The following CNNM1 variants were observed in gnomAD, a reference collection of about 807,000 sequenced individuals.
CNNM1 encodes the protein metal transporter CNNM1.
A neutral mutation model predicts 78.8 loss-of-function variants in CNNM1; 44 were observed. The observed-to-expected ratio is 0.56, with a 90% CI of 0.44 to 0.72. CNNM1 has a LOEUF of 0.72. CNNM1 is among the 30% of genes least tolerant of loss of function. The pLI, the probability that CNNM1 is intolerant of heterozygous loss-of-function variation, is 0.00. For synonymous variants in CNNM1, 584 were observed against 581.5 expected (o/e 1.00, Z -0.06); for missense variants, 1,101 against 1,292.2 (o/e 0.85, Z 2.27).
intron 7 of CNNM1, among the ~76,000 whole-genome samples, chr10:99,384,461 A>T (rs566679962): frequency 1.2e-3 from 179 of 152,278 alleles, no homozygotes; most frequent in African/African-American, 4.2e-3. Context: ...ACACCCACCA[A>T]CAGTGCAGAC....
At chr10:99,356,568 G>GAAAGAAAGAAAAGA (rs771808053) in intron 1 of CNNM1, among the ~76,000 whole-genome samples, 2,027 of 112,676 alleles carry the variant, frequency 0.018, 48 homozygotes, top group Non-Finnish European at 0.025. Context: ...CAGACAGAAA[G>GAAAGAAAGAAAAGA]AAAGAAAGAA....
At chr10:99,365,430 A>G (rs1319668183) in intron 6 of CNNM1, among the ~76,000 whole-genome samples, 1 of 152,166 alleles carries the variant, frequency 6.6e-6, no homozygotes, top group Non-Finnish European at 1.5e-5. Context: ...AAGTGACTGC[A>G]AGATTTGGGG....
At position 99,329,684 on chromosome 10, in the gene CNNM1, C is replaced by T. The variant is rs1288011222; in HGVS notation, c.297C>T (p.Thr99=). 8 of 1,554,064 alleles carry T rather than the reference C, an allele frequency of 5.1e-6. No individual in the cohort carries two copies. Among genetic ancestry groups the T allele is most frequent in the Non-Finnish European group, 6.9e-6 (8 of 1,161,026 alleles). Residue 99 remains threonine (T), a synonymous_variant, in exon 1 of 11, where the codon ACC becomes ACT. Transcript: ENST00000356713. ...SPTLNSGENG[T]GDWAPRLVFI... ...CCCTCAACTCGGGGGAGAATGGCAC[C>T]GGCGACTGGGCTCCGCGGCTCGTGT...
At chr10:99,358,314 TG>T (rs1337440665) in intron 2 of CNNM1, among the ~76,000 whole-genome samples, 1 of 152,232 alleles carries the variant, frequency 6.6e-6, no homozygotes, top group African/African-American at 2.4e-5. Context: ...GTGAGTACTT[TG>T]GGTTACTGAA....
intron 1 of CNNM1, among the ~76,000 whole-genome samples, chr10:99,347,818 G>C (rs1179611717): frequency 6.7e-6 from 1 of 149,594 alleles, no homozygotes; most frequent in Non-Finnish European, 1.5e-5. Context: ...TTTACACCCT[G>C]TTCTACTGCA....
intron 1 of CNNM1, among the ~76,000 whole-genome samples, chr10:99,339,981 T>C (rs1380890196): frequency 6.6e-6 from 1 of 152,252 alleles, no homozygotes; most frequent in African/African-American, 2.4e-5. Flanking sequence ...TAAATAGATG[T>C]ATTACGTTTT....
intron 7 of CNNM1, among the ~76,000 whole-genome samples, chr10:99,380,098 T>C (rs371212639): frequency 6.7e-6 from 1 of 149,982 alleles, no homozygotes; most frequent in East Asian, 2.0e-4. Context: ...CCTCAAGTGA[T>C]CCTCTTGCCT....
intron 1 of CNNM1, among the ~76,000 whole-genome samples, chr10:99,339,939 AT>A (rs917028544): frequency 6.6e-6 from 1 of 152,238 alleles, no homozygotes; most frequent in African/African-American, 2.4e-5. Flanking sequence ...AAGAAAATAA[AT>A]TTTTTCATTC....
intron 2 of CNNM1, among the ~76,000 whole-genome samples, chr10:99,357,963 G>A (rs150445092): frequency 6.4e-4 from 97 of 152,246 alleles, no homozygotes; most frequent in African/African-American, 2.1e-3. Context: ...TTCCCAGGAC[G>A]GTGCCCAGAG....
chr10:99,331,066 G>A lies in CNNM1; in HGVS notation c.1573+106G>A, dbSNP rs956914783. 5.7e-5 allele frequency: 67 copies of A among 1,173,540 alleles called. No individual in the cohort carries two copies. In the African/African-American group the frequency reaches 9.8e-4, roughly 17 times the overall value. 72.7% of individuals were successfully genotyped at this position (1,173,540 alleles called of 1,614,324 possible). ...TACCCAAAGCAATTTCTCTCCTATG[G>A]TACTAAAAACCCAAGGAAGACTCTA... On this transcript the variant is annotated intron_variant, in intron 1 of 10. Coordinates refer to ENST00000356713, the MANE Select transcript of CNNM1 (RefSeq NM_020348.3).
At chr10:99,370,352 C>T (rs368571342) in intron 6 of CNNM1, among the ~76,000 whole-genome samples, 1 of 150,958 alleles carries the variant, frequency 6.6e-6, no homozygotes, top group African/African-American at 2.4e-5. Flanking sequence ...TTTAACTCTG[C>T]AGGGTGGAGC....
Position 99,330,388 on chromosome 10 carries a change from C to T in CNNM1, c.1001C>T (p.Ala334Val), listed in dbSNP as rs952155877. The part of the protein sequence containing the change: ...PWLPALVCTG[A>V]VFLGAEICPY... ...CTGCCGGCGCTCGTGTGCACCGGCG[C>T]GGTATTCCTGGGCGCCGAAATCTGC... The change falls in exon 1 of 11, where the codon GCG becomes GTG. Residue 334 changes from alanine to valine, a missense_variant. Ala to Val is a moderately conservative substitution (Grantham distance 64, BLOSUM62 0). Transcript: ENST00000356713. The T allele has an allele frequency of 1.3e-6, 2 of 1,594,988 alleles. No individual in the cohort carries two copies. Among genetic ancestry groups the T allele is most frequent in the African/African-American group, 2.7e-5 (2 of 74,560 alleles).
At chr10:99,368,144 A>G (rs2031684902) in intron 6 of CNNM1, among the ~76,000 whole-genome samples, 1 of 152,202 alleles carries the variant, frequency 6.6e-6, no homozygotes, top group South Asian at 2.1e-4. Context: ...GGCAGGATCT[A>G]GCTTCCTCAA....
At chr10:99,368,601 G>C (rs2031699167) in intron 6 of CNNM1, 1 of 1,288,688 alleles carries the variant, frequency 7.8e-7, no homozygotes, top group Non-Finnish European at 1.0e-6. Flanking sequence ...ACAAATCCTT[G>C]GCCCCTGACT....
intron 3 of CNNM1, among the ~76,000 whole-genome samples, 181 bp downstream of exon 3, chr10:99,361,156 C>A (rs2134049198): frequency 6.6e-6 from 1 of 152,246 alleles, no homozygotes; most frequent in South Asian, 2.1e-4. Flanking sequence ...CGTATTGAGC[C>A]CCAGGCCTGA....
chr10:99,360,268 C>T (rs1235193676), intron 2 of CNNM1, among the ~76,000 whole-genome samples: 1 of 152,128 alleles, frequency 6.6e-6, no homozygotes, highest in East Asian at 1.9e-4. Flanking sequence ...GCTTCAGGTA[C>T]CACTCAGAGC....
chr10:99,378,088 C>T (rs988341253), intron 7 of CNNM1, among the ~76,000 whole-genome samples: 2 of 151,732 alleles, frequency 1.3e-5, no homozygotes, highest in South Asian at 2.1e-4. Flanking sequence ...CTCAGCCTCC[C>T]GAGTAGCTGG....
chr10:99,374,492 T>C (rs1006453252), intron 6 of CNNM1, among the ~76,000 whole-genome samples: 30 of 152,222 alleles, frequency 2.0e-4, no homozygotes, highest in African/African-American at 7.0e-4. Context: ...GCCACATTTC[T>C]GGAGTGTCTT....
At chr10:99,383,899 G>A (rs1406489198) in intron 7 of CNNM1, among the ~76,000 whole-genome samples, 2 of 152,172 alleles carry the variant, frequency 1.3e-5, no homozygotes, top group African/African-American at 2.4e-5. Context: ...GCTGTTGAAT[G>A]CATGAAGTGT....
Sources: gnomAD v4.1 joint callset for allele counts (sites outside exome capture counted in the v4.1 genomes callset) on GRCh38, gnomAD v4.1.1 for gene constraint, MANE v1.5 for transcripts, NCBI Gene and HGNC (gene_info 2026-07-23, HGNC 2026-07-21) for gene names.